Variants in ROBO1 observed in about 807,000 individuals in gnomAD.
The protein encoded by ROBO1 is roundabout homolog 1.
Under a neutral mutation model 195.9 loss-of-function variants are expected in ROBO1, and 149 were observed. The observed-to-expected ratio is 0.76, with a 90% CI of 0.67 to 0.87. The LOEUF is 0.87. ROBO1 is among the 40% of genes least tolerant of loss of function. The pLI is 0.00. For missense variants in ROBO1, 1,933 were observed against 2,068.3 expected (o/e 0.93, Z 1.27); for synonymous variants, 816 against 733.2 (o/e 1.11, Z -1.82).
rs527436291 is a variant in ROBO1, at chr3:78,645,982, T to C, written c.2882+166A>G. 3.3e-5 allele frequency among the ~76,000 whole-genome samples: 5 copies of C among 152,210 alleles called. No individual in the cohort carries two copies. The East Asian group carries it at 9.7e-4, about 29-fold the overall frequency. On this transcript the variant is annotated intron_variant, in intron 21 of 30. Transcript: ENST00000464233. The stretch of plus-strand genomic sequence containing the variant: ...TACTCCAATCAACTACATTTGTGTG[T>C]AAACAGCTTGTTTCAACAGCATAGC...
intron 4 of ROBO1, among the ~76,000 whole-genome samples, chr3:78,823,518 A>C (rs2031248138): frequency 6.6e-6 from 1 of 152,200 alleles, no homozygotes; most frequent in African/African-American, 2.4e-5. Flanking sequence ...AACAAATTTT[A>C]AGGATCGTCC....
At chr3:79,717,601 T>A (rs1401820830) in intron 1 of ROBO1, among the ~76,000 whole-genome samples, 1 of 152,010 alleles carries the variant, frequency 6.6e-6, no homozygotes, top group Non-Finnish European at 1.5e-5. Context: ...GTTTCACACA[T>A]CTTTTTGTAC....
intron 2 of ROBO1, among the ~76,000 whole-genome samples, chr3:79,359,766 A>G (rs1200847009): frequency 6.6e-6 from 1 of 151,970 alleles, no homozygotes; most frequent in Non-Finnish European, 1.5e-5. Flanking sequence ...AAGCAATCCT[A>G]AGTATCAAAA....
intron 2 of ROBO1, among the ~76,000 whole-genome samples, chr3:79,476,931 T>G (rs1688935308): frequency 6.6e-6 from 1 of 152,012 alleles, no homozygotes; most frequent in African/African-American, 2.4e-5. Context: ...ATAATAATAA[T>G]AAATAATTTT....
chr3:79,038,268 A>T (rs1461491455), intron 3 of ROBO1, among the ~76,000 whole-genome samples: 3 of 152,228 alleles, frequency 2.0e-5, no homozygotes, highest in Non-Finnish European at 4.4e-5. Context: ...CTGACTGAGC[A>T]ATTGAAGGAG....
At chr3:79,496,415 C>T (rs151004303) in intron 2 of ROBO1, among the ~76,000 whole-genome samples, 1 of 89,582 alleles carries the variant, frequency 1.1e-5, no homozygotes, top group Non-Finnish European at 2.2e-5. Flanking sequence ...CTCGCTCTGT[C>T]GCCCAGGCCG....
At chr3:79,725,707 C>T (rs1294360561) in intron 1 of ROBO1, among the ~76,000 whole-genome samples, 3 of 152,056 alleles carry the variant, frequency 2.0e-5, no homozygotes, top group Admixed American at 6.5e-5. Context: ...GTAGAATACA[C>T]GTCTCACAGT....
intron 2 of ROBO1, among the ~76,000 whole-genome samples, chr3:79,340,797 C>A (rs1396782550): frequency 1.3e-5 from 2 of 152,130 alleles, no homozygotes; most frequent in Non-Finnish European, 2.9e-5. Context: ...TAGAAATGTA[C>A]ACAAGAAATA....
chr3:78,686,062 C>A, intron 9 of ROBO1, 145 bp from the exon 10 acceptor site: 1 of 638,600 alleles, frequency 1.6e-6, no homozygotes, highest in Non-Finnish European at 2.6e-6. Flanking sequence ...TATATACACA[C>A]ACAAAAATGA....
At chr3:79,088,372 T>C (rs2079413492) in intron 3 of ROBO1, among the ~76,000 whole-genome samples, 1 of 152,168 alleles carries the variant, frequency 6.6e-6, no homozygotes, top group Non-Finnish European at 1.5e-5. Flanking sequence ...GAATGTAGAA[T>C]GATTTAAAGC....
At chr3:79,498,291 C>T (rs569723509) in intron 2 of ROBO1, among the ~76,000 whole-genome samples, 22 of 150,658 alleles carry the variant, frequency 1.5e-4, no homozygotes, top group African/African-American at 5.4e-4. Context: ...TAATTTATAC[C>T]GCCATATGGA....
intron 2 of ROBO1, chr3:79,508,039 G>C (rs1940498344): frequency 6.6e-6 from 1 of 152,374 alleles, no homozygotes; most frequent in Admixed American, 6.6e-5. Flanking sequence ...TCATTCATAA[G>C]TGGGAGTTGA....
chr3:78,645,455 A>AC (rs1418868576), intron 21 of ROBO1, among the ~76,000 whole-genome samples: 1 of 151,090 alleles, frequency 6.6e-6, no homozygotes. Context: ...TTTTGGAGAA[A>AC]AAAAAAACAT....
At chr3:78,915,340 C>G (rs1438602476) in intron 4 of ROBO1, among the ~76,000 whole-genome samples, 4 of 152,018 alleles carry the variant, frequency 2.6e-5, no homozygotes, top group Non-Finnish European at 2.9e-5. Context: ...CAGGTGTTTC[C>G]GATTTAATTT....
At chr3:78,816,479 T>A (rs2108653024) in intron 4 of ROBO1, among the ~76,000 whole-genome samples, 1 of 152,316 alleles carries the variant, frequency 6.6e-6, no homozygotes, top group Middle Eastern at 3.4e-3. Flanking sequence ...CAAGCCTTAT[T>A]ATTTAAGAAA....
chr3:79,293,065 G>A (rs926299630), intron 2 of ROBO1, among the ~76,000 whole-genome samples: 2 of 152,140 alleles, frequency 1.3e-5, no homozygotes, highest in African/African-American at 4.8e-5. Flanking sequence ...CTTGTTATTG[G>A]TCTATTCAGG....
intron 2 of ROBO1, among the ~76,000 whole-genome samples, chr3:79,510,586 A>G (rs1196296500): frequency 6.9e-5 from 10 of 144,748 alleles, no homozygotes; most frequent in Non-Finnish European, 1.4e-4. Context: ...AAGTTGGAGG[A>G]TATTTTAAAC....
At chr3:78,841,409 G>T (rs1166636146) in intron 4 of ROBO1, among the ~76,000 whole-genome samples, 2 of 152,142 alleles carry the variant, frequency 1.3e-5, no homozygotes, top group African/African-American at 4.8e-5. Flanking sequence ...GAAACATAAA[G>T]AACTCCTCCC....
chr3:79,124,051 T>A (rs1055927820), intron 3 of ROBO1, among the ~76,000 whole-genome samples: 1 of 152,118 alleles, frequency 6.6e-6, no homozygotes, highest in East Asian at 1.9e-4. Flanking sequence ...TAAGAAGCAC[T>A]GGCAAATTAG....
Sources: gnomAD v4.1 joint callset for allele counts (sites outside exome capture counted in the v4.1 genomes callset) on GRCh38, gnomAD v4.1.1 for gene constraint, MANE v1.5 for transcripts, NCBI Gene and HGNC (gene_info 2026-07-23, HGNC 2026-07-21) for gene names.